Variants in ATP13A3 observed in about 807,000 individuals in gnomAD.
ATP13A3 encodes ATPase 13A3, also known as polyamine-transporting ATPase 13A3.
ATP13A3 carries 59 observed loss-of-function variants against 158.1 expected under a neutral mutation model. That is an observed-to-expected ratio of 0.37 (90% CI 0.30 to 0.46). The LOEUF is 0.46. ATP13A3 is among the 20% of genes least tolerant of loss of function. The probability of loss-of-function intolerance (pLI) is 1.00; values close to 1 mark genes in which losing one functional copy is unlikely to be tolerated. For synonymous variants in ATP13A3, 491 were observed against 504.3 expected (o/e 0.97, Z 0.35); for missense variants, 1,166 against 1,525.2 (o/e 0.76, Z 3.92).
intron 31 of ATP13A3, among the ~76,000 whole-genome samples, chr3:194,417,396 GACACACACACACACACACAC>G (rs56119734): frequency 1.4e-4 from 16 of 118,054 alleles, no homozygotes; most frequent in South Asian, 6.5e-4. Flanking sequence ...GCCAGATTCT[GACACACACACACACACACAC>G]ACACACACAC....
Position 194,404,062 on chromosome 3 carries a change from T to C in ATP13A3, c.*1857A>G, listed in dbSNP as rs200011258. ...TTAAACCAAAGAATAAAATGCACAA[T>C]TGTGGAAATCACTGAAGAATAACAC... On this transcript the variant is annotated 3_prime_UTR_variant, in exon 34 of 34. Transcript: ENST00000645319. The C allele has an allele frequency of 6.7e-6, 3 of 446,682 alleles. No individual in the cohort carries two copies. The highest frequency in any genetic ancestry group is 1.3e-5 in the Non-Finnish European group (3 of 224,244). The allele number at this position is 446,682 out of a possible 1,614,324, so 27.7% of individuals were successfully genotyped here. A position where few individuals can be genotyped will look rare whatever the true frequency, so the allele number is the denominator to read the frequency against.
intron 26 of ATP13A3, 76 bp downstream of exon 26, chr3:194,429,996 C>T (rs1204934730): frequency 3.8e-6 from 5 of 1,321,650 alleles, no homozygotes; most frequent in Non-Finnish European, 4.2e-6. Flanking sequence ...ATTCATGTTA[C>T]TTTTTATGAT....
At chr3:194,433,276 G>A (rs375251749) in intron 21 of ATP13A3, among the ~76,000 whole-genome samples, 610 of 126,326 alleles carry the variant, frequency 4.8e-3, no homozygotes, top group African/African-American at 0.018. Context: ...TCGCTCTGTC[G>A]CCCAGGCCGG....
At position 194,486,770 on chromosome 3, in the gene ATP13A3, G is replaced by C. The variant is rs1291335124; in HGVS notation, c.-293C>G. 3.3e-5 allele frequency: 5 copies of C among 151,248 alleles called. No homozygotes were observed. Among genetic ancestry groups the C allele is most frequent in the African/African-American group, 4.8e-5 (2 of 41,382 alleles). 9.4% of individuals were successfully genotyped at this position (151,248 alleles called of 1,614,324 possible). On this transcript the variant is annotated 5_prime_UTR_variant, in exon 1 of 34. Coordinates refer to ENST00000645319, the MANE Select transcript of ATP13A3 (RefSeq NM_001367549.1). ...GCCGCGGCGGGGCCGGGCCGGCCCT[G>C]GGACGTCCGCGCTCTCCTCCTCCTC... is the stretch of plus-strand genomic sequence containing the variant.
intron 2 of ATP13A3, among the ~76,000 whole-genome samples, chr3:194,466,013 C>T (rs1167016939): frequency 6.6e-6 from 1 of 151,834 alleles, no homozygotes; most frequent in Admixed American, 6.6e-5. Context: ...TTTTAAAACA[C>T]CAATGGGTCA....
chr3:194,493,057 G>A (rs1440107040), intron 2 of ATP13A3, among the ~76,000 whole-genome samples: 2 of 151,380 alleles, frequency 1.3e-5, no homozygotes, highest in Non-Finnish European at 2.9e-5. Context: ...TTGCCTAAGC[G>A]CAGGAGTTTG....
chr3:194,479,955 T>C (rs1230519097), intron 2 of ATP13A3, among the ~76,000 whole-genome samples: 2 of 152,152 alleles, frequency 1.3e-5, no homozygotes, highest in Non-Finnish European at 2.9e-5. Flanking sequence ...TTTGAGGATG[T>C]TGCTACTAAA....
In ATP13A3 at chr3:194,442,424, A is replaced by ATTT. The variant is rs1371334214; in HGVS notation, c.1560-964_1560-963insAAA. Among the ~76,000 whole-genome samples, 4 of 152,252 alleles carry ATTT rather than the reference A, an allele frequency of 2.6e-5. No individual in the cohort carries two copies. In the East Asian group the frequency reaches 5.8e-4, roughly 22 times the overall value. ...ACCAGCCTGGGAAATATAGCGAGAC[A>ATTT]CCCATACCAATTCCTATGTTTAAAA... On this transcript the variant is annotated intron_variant, in intron 15 of 33. Transcript: ENST00000645319.
chr3:194,406,223 A>G (rs1714918685), intron 33 of ATP13A3, 107 bp from the exon 34 acceptor site: 1 of 1,185,286 alleles, frequency 8.4e-7, no homozygotes, highest in Non-Finnish European at 1.2e-6. Flanking sequence ...ATAAGAGGAA[A>G]TGACTTCTGA....
intron 11 of ATP13A3, among the ~76,000 whole-genome samples, chr3:194,449,479 C>T (rs1190556819): frequency 6.6e-6 from 1 of 152,098 alleles, no homozygotes; most frequent in African/African-American, 2.4e-5. Flanking sequence ...CAGGAGTTCA[C>T]GACCAGCCTG....
At chr3:194,415,871 T>G (rs528331146) in intron 31 of ATP13A3, among the ~76,000 whole-genome samples, 1 of 152,266 alleles carries the variant, frequency 6.6e-6, no homozygotes, top group Non-Finnish European at 1.5e-5. Flanking sequence ...AAAAAGTCCC[T>G]GCAATGGAAT....
At chr3:194,473,521 TA>T (rs1257899549) in intron 2 of ATP13A3, among the ~76,000 whole-genome samples, 10 of 151,940 alleles carry the variant, frequency 6.6e-5, no homozygotes, top group African/African-American at 2.2e-4. Context: ...CAACCTTATA[TA>T]TTGGTCTTAG....
Position 194,403,450 on chromosome 3 carries a change from TGAGG to T in ATP13A3, c.*2465_*2468del, listed in dbSNP as rs1714743636. The T allele has an allele frequency of 6.6e-6, 1 of 152,216 alleles. No individual in the cohort carries two copies. The highest frequency in any genetic ancestry group is 2.4e-5 in the African/African-American group (1 of 41,458). 9.4% of individuals were successfully genotyped at this position (152,216 alleles called of 1,614,324 possible). A position where few individuals can be genotyped will look rare whatever the true frequency, so the allele number is the denominator to read the frequency against. The stretch of plus-strand genomic sequence containing the variant: ...GGAGAAAAAAAACTTTAAACAACCC[TGAGG>T]GAGACACACATTAAAAATCTTGTTA... On this transcript the variant is annotated 3_prime_UTR_variant, in exon 34 of 34. Coordinates refer to ENST00000645319, the MANE Select transcript of ATP13A3 (RefSeq NM_001367549.1).
chr3:194,425,038 C>G (rs1160055788), intron 30 of ATP13A3, among the ~76,000 whole-genome samples: 1 of 152,188 alleles, frequency 6.6e-6, no homozygotes, highest in African/African-American at 2.4e-5. Flanking sequence ...CAACAGTGGG[C>G]TGAGGAACCT....
intron 3 of ATP13A3, among the ~76,000 whole-genome samples, chr3:194,461,881 A>G (rs1577081200): frequency 6.6e-6 from 1 of 152,340 alleles, no homozygotes; most frequent in African/African-American, 2.4e-5. Flanking sequence ...ATATTAGCCA[A>G]TGTTACCTCT....
chr3:194,412,059 G>C (rs1229331027), intron 33 of ATP13A3, 140 bp downstream of exon 33: 1 of 614,104 alleles, frequency 1.6e-6, no homozygotes, highest in Non-Finnish European at 2.7e-6. Flanking sequence ...CAGAGAAAAA[G>C]GCTGAAGGAA....
rs200777885 is a variant in ATP13A3, at chr3:194,453,814, A to G, written c.766-36T>C. The G allele has an allele frequency of 8.4e-5, 129 of 1,532,548 alleles. No individual in the cohort carries two copies. In the East Asian group the frequency reaches 2.9e-3, roughly 34 times the overall value. The allele number at this position is 1,532,548 out of a possible 1,614,324, so 94.9% of individuals were successfully genotyped here. A position where few individuals can be genotyped will look rare whatever the true frequency, so the allele number is the denominator to read the frequency against. On this transcript the variant is annotated intron_variant, in intron 9 of 33. Transcript: ENST00000645319. ...AAAAAGAAGTTAGAAACTAGCCAAT[A>G]TGAACCCACTCCTCAGGAAAAAAGC...
intron 28 of ATP13A3, among the ~76,000 whole-genome samples, chr3:194,428,220 CAA>C (rs1188178641): frequency 2.9e-4 from 17 of 57,946 alleles, no homozygotes; most frequent in Admixed American, 5.0e-4. Flanking sequence ...GACTCTGTCT[CAA>C]AAAAAAAAAA....
upstream of ATP13A3, among the ~76,000 whole-genome samples, chr3:194,490,253 C>T (rs1466980345): frequency 6.6e-6 from 1 of 152,202 alleles, no homozygotes; most frequent in Admixed American, 6.5e-5. This position sits in a 1 kb window ranked among gnomAD's most constrained non-coding sequence, Gnocchi z 4.4. Context: ...GATCTATTTT[C>T]CCACTCCAGA....
Sources: allele counts gnomAD v4.1 joint callset (sites outside exome capture counted in the v4.1 genomes callset), GRCh38; gene constraint gnomAD v4.1.1; non-coding constraint Gnocchi (gnomAD v3.1); transcripts MANE v1.5; gene names NCBI Gene and HGNC (gene_info 2026-07-23, HGNC 2026-07-21).